ZEB1: variants seen among roughly 807,000 people sequenced by gnomAD.
ZEB1 encodes zinc finger E-box binding homeobox 1.
In ZEB1, 21 loss-of-function variants were observed where a neutral mutation model predicts 84.9. That is an observed-to-expected ratio of 0.25 (90% CI 0.18 to 0.36). The LOEUF is 0.36. Ranked by LOEUF, ZEB1 falls within the 10% of genes least tolerant of loss-of-function variation. The pLI is 1.00. For synonymous variants in ZEB1, 420 were observed against 471.1 expected, an observed-to-expected ratio of 0.89 and a Z score of 1.41; for missense variants, 1,104 against 1,330.2, an observed-to-expected ratio of 0.83 and a Z score of 2.65.
At position 31,376,156 on chromosome 10, in the gene ZEB1, G is replaced by T. The variant is rs573520382; in HGVS notation, c.58+56864G>T. 4.7e-4 allele frequency among the ~76,000 whole-genome samples: 72 copies of T among 151,850 alleles called. No individual in the cohort carries two copies. In the Middle Eastern group the frequency reaches 0.027, roughly 57 times the overall value. On this transcript the variant is annotated intron_variant, in intron 1 of 8. Transcript: ENST00000424869. ...CTTACCAACAACCTGCTGTATGTCA[G>T]TCATTGCATAAGACTGATGTGATGC...
intron 1 of ZEB1, chr10:31,321,601 C>G (rs2034081729): frequency 1.9e-6 from 3 of 1,611,606 alleles, no homozygotes; most frequent in Admixed American, 3.3e-5. Flanking sequence ...GAGAAAGGGG[C>G]TTTTCTTGTT....
rs187960223 is a variant in ZEB1 at position 31,475,827 on chromosome 10, A to G, written c.259+14590A>G. The stretch of plus-strand genomic sequence containing the variant: ...ATGAAAGGATAATACTCACCATCAT[A>G]TAAAGCACAGGTAAGTAGAAACCTC... On this transcript the variant is annotated intron_variant, in intron 2 of 8. Coordinates refer to ENST00000424869, the MANE Select transcript of ZEB1 (RefSeq NM_001174096.2). 9.8e-5 allele frequency among the ~76,000 whole-genome samples: 15 copies of G among 152,306 alleles called. No homozygotes were observed. In the East Asian group the frequency reaches 2.5e-3, roughly 26 times the overall value.
intron 2 of ZEB1, among the ~76,000 whole-genome samples, chr10:31,465,591 C>G (rs188642487): frequency 6.6e-6 from 1 of 152,174 alleles, no homozygotes; most frequent in East Asian, 1.9e-4. Context: ...GGATTAAACT[C>G]AGTAATCAAA....
intron 1 of ZEB1, among the ~76,000 whole-genome samples, chr10:31,424,565 T>C (rs985898918): frequency 6.6e-6 from 1 of 152,040 alleles, no homozygotes; most frequent in African/African-American, 2.4e-5. Context: ...AAATATTTAC[T>C]ACCTTCTTTG....
At position 31,527,010 on chromosome 10, in the gene ZEB1, G is replaced by A. The variant is rs1370965143; in HGVS notation, c.3124G>A (p.Glu1042Lys). The change falls in exon 9 of 9, where the codon GAG becomes AAG. Residue 1042 changes from glutamate to lysine, a missense_variant. By Grantham distance (56) the Glu-to-Lys change is moderately conservative. This residue lies in a region of ZEB1 where 173 missense variants were observed against 167.0 expected (regional missense o/e 1.04). Transcript: ENST00000424869. ...GGATGAAGACAGTGAAAAAGAGGAA[G>A]AGGAGGAGGATAAAGAGATGGAAGA... is the stretch of plus-strand genomic sequence containing the variant. Reference protein sequence around the residue: ...EEDEDSEKEEEEEDKEMEELQ... With the variant: ...EEDEDSEKEEKEEDKEMEELQ... The A allele has an allele frequency of 6.2e-7, 1 of 1,601,978 alleles. No individual in the cohort carries two copies. Among genetic ancestry groups the A allele is most frequent in the Non-Finnish European group, 8.5e-7 (1 of 1,173,322 alleles).
At chr10:31,382,650 C>A (rs1254965288) in intron 1 of ZEB1, among the ~76,000 whole-genome samples, 1 of 152,008 alleles carries the variant, frequency 6.6e-6, no homozygotes, top group African/African-American at 2.4e-5. Flanking sequence ...ACCTTTACAT[C>A]TCATATTTGA....
chr10:31,452,707 G>GTA (rs2060712873), intron 1 of ZEB1, among the ~76,000 whole-genome samples: 1 of 107,856 alleles, frequency 9.3e-6, no homozygotes, highest in African/African-American at 4.4e-5. Context: ...TAAAATGTGT[G>GTA]TGTGTGTGTG....
At chr10:31,430,271 A>G (rs1368231538) in intron 1 of ZEB1, among the ~76,000 whole-genome samples, 1 of 152,128 alleles carries the variant, frequency 6.6e-6, no homozygotes, top group Non-Finnish European at 1.5e-5. Flanking sequence ...TACTGGGGAA[A>G]CTGTGTAGTG....
At chr10:31,375,806 AAAT>A (rs1371957933) in intron 1 of ZEB1, among the ~76,000 whole-genome samples, 1 of 151,748 alleles carries the variant, frequency 6.6e-6, no homozygotes, top group East Asian at 1.9e-4. Context: ...ATGGAAAGGA[AAAT>A]AATGTTTTTA....
intron 6 of ZEB1, among the ~76,000 whole-genome samples, chr10:31,518,579 C>A (rs930721748): frequency 2.0e-5 from 3 of 152,012 alleles, no homozygotes; most frequent in Non-Finnish European, 2.9e-5. Context: ...TCTCATATGA[C>A]CCCTATAACA....
chr10:31,522,280 T>C (rs1205099176), intron 7 of ZEB1, among the ~76,000 whole-genome samples: 1 of 152,226 alleles, frequency 6.6e-6, no homozygotes, highest in African/African-American at 2.4e-5. Context: ...CTAAAATTAG[T>C]AATAGTTTCT....
At chr10:31,475,043 A>G (rs1210239500) in intron 2 of ZEB1, among the ~76,000 whole-genome samples, 1 of 122,820 alleles carries the variant, frequency 8.1e-6, no homozygotes, top group African/African-American at 3.1e-5. Flanking sequence ...GGGGAACATC[A>G]CACTCTGGGG....
rs762925992 is a variant in ZEB1 at position 31,422,892 on chromosome 10, G to C, written c.59-38145G>C. Among the ~76,000 whole-genome samples, 86 of 151,886 alleles carry C rather than the reference G, an allele frequency of 5.7e-4. 1 individual carries two copies. Among genetic ancestry groups the C allele is most frequent in the Non-Finnish European group, 1.1e-3 (75 of 67,988 alleles). ...TATGTCTATGTGTGCCCAATGCTTA[G>C]CTCCCACTTAGAAGTAAAAACATGT... On this transcript the variant is annotated intron_variant, in intron 1 of 8. Coordinates refer to ENST00000424869, the MANE Select transcript of ZEB1 (RefSeq NM_001174096.2).
intron 5 of ZEB1, among the ~76,000 whole-genome samples, chr10:31,513,326 G>C (rs977486223): frequency 1.3e-5 from 2 of 152,136 alleles, no homozygotes; most frequent in Non-Finnish European, 2.9e-5. Flanking sequence ...ATAAATGATA[G>C]TGCTATTCAC....
intron 2 of ZEB1, among the ~76,000 whole-genome samples, chr10:31,482,425 T>C (rs1475651876): frequency 6.6e-6 from 1 of 151,254 alleles, no homozygotes; most frequent in Non-Finnish European, 1.5e-5. Context: ...TTACAGGAGG[T>C]TATGGACACA....
chr10:31,510,887 G>A lies in ZEB1; in HGVS notation c.687+12G>A. ...CAGGAAGAGATCAAGTAAGTGCAAT[G>A]ACTGAGAGTTCACTAACTTTCCAGA... On this transcript the variant is annotated intron_variant, in intron 5 of 8. Coordinates refer to ENST00000424869, the MANE Select transcript of ZEB1 (RefSeq NM_001174096.2). 6.2e-7 allele frequency: 1 copy of A among 1,612,794 alleles called. No individual in the cohort carries two copies. The highest frequency in any genetic ancestry group is 1.3e-5 in the African/African-American group (1 of 75,024).
intron 1 of ZEB1, among the ~76,000 whole-genome samples, chr10:31,343,183 A>G (rs764761010): frequency 6.6e-6 from 1 of 151,970 alleles, no homozygotes; most frequent in African/African-American, 2.4e-5. Context: ...AGAGCTTTCT[A>G]TGTTATATTG....
At chr10:31,374,773 A>T (rs112673457) in intron 1 of ZEB1, 1 of 151,856 alleles carries the variant, frequency 6.6e-6, no homozygotes, top group South Asian at 2.1e-4. Context: ...AGAGAAATAC[A>T]TTTTTTATGC....
At chr10:31,422,646 A>G (rs990715486) in intron 1 of ZEB1, among the ~76,000 whole-genome samples, 10 of 152,240 alleles carry the variant, frequency 6.6e-5, no homozygotes, top group East Asian at 3.9e-4. Context: ...CAAAAAATCT[A>G]TATTTCCTTT....
Sources: gnomAD v4.1 joint callset for allele counts (sites outside exome capture counted in the v4.1 genomes callset) on GRCh38, gnomAD v4.1.1 for gene constraint, gnomAD v4.1.1 regional missense constraint, MANE v1.5 for transcripts, NCBI Gene and HGNC (gene_info 2026-07-23, HGNC 2026-07-21) for gene names.